FBXL7: variants seen among roughly 807,000 people sequenced by gnomAD.
FBXL7 encodes the protein F-box and leucine rich repeat protein 7.
A neutral mutation model predicts 38.3 loss-of-function variants in FBXL7; 12 were observed. That is an observed-to-expected ratio of 0.31 (90% confidence interval 0.20 to 0.51). FBXL7 has a LOEUF of 0.51. FBXL7 is among the 20% of genes least tolerant of loss of function. FBXL7 has a pLI of 0.98. For missense variants in FBXL7, 567 were observed against 676.4 expected, an observed-to-expected ratio of 0.84 and a Z score of 1.79; for synonymous variants, 297 against 300.9, an observed-to-expected ratio of 0.99 and a Z score of 0.13.
chr5:15,935,993 GCTTCC>G (rs1395881399), intron 3 of FBXL7, among the ~76,000 whole-genome samples: 23 of 152,240 alleles, frequency 1.5e-4, no homozygotes, highest in African/African-American at 4.3e-4. Flanking sequence ...GGACCAGGGA[GCTTCC>G]AAACCAGGGC....
intron 1 of FBXL7, among the ~76,000 whole-genome samples, chr5:15,615,145 T>TCATGTGA (rs1740402857): frequency 6.6e-6 from 1 of 152,290 alleles, no homozygotes; most frequent in East Asian, 1.9e-4. Flanking sequence ...TTACAGACTT[T>TCATGTGA]CATGTGACAT....
chr5:15,560,898 T>C (rs1303270292), intron 1 of FBXL7, among the ~76,000 whole-genome samples: 1 of 152,190 alleles, frequency 6.6e-6, no homozygotes, highest in Admixed American at 6.6e-5. Context: ...TACTGTCTTC[T>C]TTTTGGTTAT....
At chr5:15,614,274 C>CTTTTCT (rs796418197) in intron 1 of FBXL7, among the ~76,000 whole-genome samples, 14 of 126,544 alleles carry the variant, frequency 1.1e-4, no homozygotes, top group African/African-American at 4.3e-4. Flanking sequence ...CTTTTCTTTT[C>CTTTTCT]TTTTTTTTTT....
intron 2 of FBXL7, among the ~76,000 whole-genome samples, chr5:15,801,677 G>T (rs6887947): frequency 5.8e-4 from 86 of 149,142 alleles, no homozygotes; most frequent in Admixed American, 3.0e-3. Flanking sequence ...GTGTGTGTGT[G>T]TTTGTGTGTG....
rs140661918 is a variant in FBXL7, at chr5:15,723,578, C to G, written c.127+107506C>G. On this transcript the variant is annotated intron_variant, in intron 2 of 3. Transcript: ENST00000504595. Reference sequence around the variant, plus strand: ...TTGAGAAAAGATAGGCAGTAATACGCATGACATAGTGTTTCCAGCATACAG... The same window carrying G: ...TTGAGAAAAGATAGGCAGTAATACGGATGACATAGTGTTTCCAGCATACAG... Among the ~76,000 whole-genome samples, 38 of 152,284 alleles carry G rather than the reference C, an allele frequency of 2.5e-4. No homozygotes were observed. In the South Asian group the frequency reaches 7.9e-3, roughly 32 times the overall value.
At chr5:15,552,474 A>C (rs190308541) in intron 1 of FBXL7, among the ~76,000 whole-genome samples, 1 of 152,156 alleles carries the variant, frequency 6.6e-6, no homozygotes, top group Non-Finnish European at 1.5e-5. Context: ...GATTTCCCCA[A>C]TGGGTTTTAT....
chr5:15,679,551 C>A (rs1561082361), intron 2 of FBXL7, among the ~76,000 whole-genome samples: 1 of 124,652 alleles, frequency 8.0e-6, no homozygotes, highest in African/African-American at 2.9e-5. Context: ...CCATAATATG[C>A]TTCATTGTTT....
At chr5:15,934,866 T>G (rs1742135857) in intron 3 of FBXL7, among the ~76,000 whole-genome samples, 1 of 152,160 alleles carries the variant, frequency 6.6e-6, no homozygotes, top group African/African-American at 2.4e-5. Context: ...CCCAAGTCCC[T>G]TTTCTCAAAA....
rs576044165 is a variant in FBXL7 at position 15,640,817 on chromosome 5, C to A, written c.127+24745C>A. 4.5e-4 allele frequency among the ~76,000 whole-genome samples: 68 copies of A among 152,330 alleles called. No individual in the cohort carries two copies. In the Middle Eastern group the frequency reaches 0.01, roughly 23 times the overall value. The stretch of plus-strand genomic sequence containing the variant: ...GGGATTACAGGTGATAGCCACCGTG[C>A]CTGGCCGGGGTGAGGGCTTTAACAT... On this transcript the variant is annotated intron_variant, in intron 2 of 3. Coordinates refer to ENST00000504595, the MANE Select transcript of FBXL7 (RefSeq NM_012304.5).
intron 2 of FBXL7, among the ~76,000 whole-genome samples, chr5:15,860,047 G>A (rs1739410968): frequency 1.3e-5 from 2 of 152,110 alleles, no homozygotes; most frequent in Non-Finnish European, 2.9e-5. Context: ...GTAAATATTA[G>A]GGGACTGTAC....
chr5:15,850,887 C>A (rs987826726), intron 2 of FBXL7, among the ~76,000 whole-genome samples: 2 of 152,212 alleles, frequency 1.3e-5, no homozygotes, highest in African/African-American at 4.8e-5. Flanking sequence ...AAAGTCAACA[C>A]TGGATTTTCC....
intron 2 of FBXL7, among the ~76,000 whole-genome samples, chr5:15,657,037 C>T (rs1741907144): frequency 1.3e-5 from 2 of 152,018 alleles, no homozygotes; most frequent in Admixed American, 1.3e-4. Flanking sequence ...GAGAAAGACT[C>T]TCTGAAGAGA....
chr5:15,825,177 A>G (rs1201035986), intron 2 of FBXL7, among the ~76,000 whole-genome samples: 1 of 152,142 alleles, frequency 6.6e-6, no homozygotes, highest in East Asian at 1.9e-4. Context: ...TAAAAGTCCA[A>G]TTTTCAGTGT....
chr5:15,615,848 T>G, intron 1 of FBXL7, 135 bp from the exon 2 acceptor site: 1 of 535,004 alleles, frequency 1.9e-6, no homozygotes, highest in Non-Finnish European at 3.3e-6. Flanking sequence ...AAAAAAAACT[T>G]AATAAACTCC....
At chr5:15,752,201 T>C (rs926089158) in intron 2 of FBXL7, among the ~76,000 whole-genome samples, 3 of 152,138 alleles carry the variant, frequency 2.0e-5, no homozygotes, top group African/African-American at 7.2e-5. Flanking sequence ...AAATAACTAA[T>C]GTAGGTGACA....
At position 15,873,440 on chromosome 5, in the gene FBXL7, C is replaced by CA. The variant is rs758691960; in HGVS notation, c.128-54443dup. 1.6e-3 allele frequency among the ~76,000 whole-genome samples: 248 copies of CA among 151,736 alleles called. 1 individual carries two copies. The highest frequency in any genetic ancestry group is 0.014 in the Middle Eastern group (4 of 294). On this transcript the variant is annotated intron_variant, in intron 2 of 3. Coordinates refer to ENST00000504595, the MANE Select transcript of FBXL7 (RefSeq NM_012304.5). ...AGCAGAACTGAGGGAGATAGAGACA[C>CA]AAAAAAACCCTTCAAAAAAATCAAT...
intron 2 of FBXL7, among the ~76,000 whole-genome samples, chr5:15,649,202 G>A (rs954476594): frequency 4.6e-5 from 7 of 152,054 alleles, no homozygotes; most frequent in African/African-American, 7.2e-5. Flanking sequence ...TCACCACGTT[G>A]GCCAGGCTGG....
chr5:15,591,532 A>G (rs997695822), intron 1 of FBXL7, among the ~76,000 whole-genome samples: 1 of 152,066 alleles, frequency 6.6e-6, no homozygotes, highest in African/African-American at 2.4e-5. Flanking sequence ...AGGTTTGGGC[A>G]CCTAGGAAGG....
intron 2 of FBXL7, among the ~76,000 whole-genome samples, chr5:15,624,974 C>A (rs1174079950): frequency 6.6e-6 from 1 of 151,754 alleles, no homozygotes; most frequent in African/African-American, 2.4e-5. Context: ...TTTGCACATG[C>A]CCCCTCCCCT....
Sources: allele counts gnomAD v4.1 joint callset (sites outside exome capture counted in the v4.1 genomes callset), GRCh38; gene constraint gnomAD v4.1.1; transcripts MANE v1.5; gene names NCBI Gene and HGNC (gene_info 2026-07-23, HGNC 2026-07-21).